The following CHD6 variants were observed in gnomAD, a reference collection of about 807,000 sequenced individuals.
CHD6 encodes the protein ATP-dependent chromatin remodeler CHD6.
Under a neutral mutation model 276.9 loss-of-function variants are expected in CHD6, and 50 were observed. That is an observed-to-expected ratio of 0.18 (90% CI 0.14 to 0.23). The LOEUF is 0.23. Among genes scored for constraint, CHD6 ranks in the 10% least tolerant of loss-of-function variants. The pLI is 1.00. For missense variants in CHD6, 2,564 were observed against 3,365.8 expected (o/e 0.76, Z 5.89); for synonymous variants, 1,173 against 1,229.3 (o/e 0.95, Z 0.96).
Position 41,403,293 on chromosome 20 carries a change from C to T in CHD6, c.*1300G>A, listed in dbSNP as rs1374376357. The T allele has an allele frequency of 9.4e-7, 1 of 1,063,052 alleles. No individual in the cohort carries two copies. Among genetic ancestry groups the T allele is most frequent in the Admixed American group, 5.4e-5 (1 of 18,610 alleles). 65.9% of individuals were successfully genotyped at this position (1,063,052 alleles called of 1,614,324 possible). ...AGAGTACTGAACCATGAGCTTACTT[C>T]AAGTCTCAGAGTGTGAACTACCTGT... On this transcript the variant is annotated 3_prime_UTR_variant, in exon 37 of 37. Coordinates refer to ENST00000373233, the MANE Select transcript of CHD6 (RefSeq NM_032221.5).
At chr20:41,422,944 A>G (rs752894174) in intron 30 of CHD6, among the ~76,000 whole-genome samples, 1 of 152,200 alleles carries the variant, frequency 6.6e-6, no homozygotes, top group Non-Finnish European at 1.5e-5. Flanking sequence ...ATATTGTCCC[A>G]TGATCCAGAG....
chr20:41,564,599 G>A (rs527590345), intron 1 of CHD6, among the ~76,000 whole-genome samples: 10 of 152,234 alleles, frequency 6.6e-5, no homozygotes, highest in African/African-American at 2.4e-4. Flanking sequence ...ATTACACAAC[G>A]GTATGCATTT....
chr20:41,449,863 A>G (rs1230119108), intron 23 of CHD6, among the ~76,000 whole-genome samples: 1 of 152,186 alleles, frequency 6.6e-6, no homozygotes, highest in Non-Finnish European at 1.5e-5. Flanking sequence ...TCCCATCCCC[A>G]GTGGATAACC....
At chr20:41,504,513 G>C (rs774045642) in intron 5 of CHD6, among the ~76,000 whole-genome samples, 2 of 146,942 alleles carry the variant, frequency 1.4e-5, no homozygotes, top group African/African-American at 5.0e-5. Flanking sequence ...AGGCTCAAAT[G>C]ATTCTCCAGC....
intron 17 of CHD6, among the ~76,000 whole-genome samples, chr20:41,462,875 G>C (rs1269290267): frequency 6.6e-6 from 1 of 152,148 alleles, no homozygotes; most frequent in Non-Finnish European, 1.5e-5. Flanking sequence ...CATCATTGCA[G>C]TAGCAATGAA....
intron 3 of CHD6, among the ~76,000 whole-genome samples, chr20:41,532,392 C>T (rs1006610811): frequency 6.6e-6 from 1 of 152,178 alleles, no homozygotes; most frequent in East Asian, 1.9e-4. Flanking sequence ...TGCATACTGA[C>T]GGCTCTCTCA....
intron 1 of CHD6, among the ~76,000 whole-genome samples, chr20:41,590,974 T>C (rs2045651417): frequency 2.0e-5 from 3 of 151,296 alleles, no homozygotes; most frequent in African/African-American, 7.3e-5. Context: ...TGTCCAACAA[T>C]GATAGACTGG....
At chr20:41,590,811 A>G (rs933247111) in intron 1 of CHD6, among the ~76,000 whole-genome samples, 1 of 151,816 alleles carries the variant, frequency 6.6e-6, no homozygotes, top group Non-Finnish European at 1.5e-5. Flanking sequence ...GCGATTCCTC[A>G]GGGATCTAGA....
intron 27 of CHD6, among the ~76,000 whole-genome samples, chr20:41,432,680 G>C (rs772149555): frequency 3.3e-5 from 5 of 151,992 alleles, no homozygotes; most frequent in Admixed American, 6.6e-5. Context: ...TGTCCAAAAT[G>C]TCCAGGTTCC....
At chr20:41,463,715 G>A (rs2042853726) in intron 17 of CHD6, among the ~76,000 whole-genome samples, 1 of 152,196 alleles carries the variant, frequency 6.6e-6, no homozygotes, top group Admixed American at 6.5e-5. Context: ...AAAGGGACAT[G>A]ACAGCTAAAG....
Position 41,473,230 on chromosome 20 carries a change from C to G in CHD6, c.2664+92G>C. On this transcript the variant is annotated intron_variant, in intron 17 of 36. Transcript: ENST00000373233. This position sits in a 1 kb window ranked among gnomAD's most constrained non-coding sequence, Gnocchi z 4.1. ...ATCCAGCTGACACCATAGCATAGAG[C>G]ATCACGGATGCTCTGTAGCCAAGCC... 1 of 1,204,724 alleles carries G rather than the reference C, an allele frequency of 8.3e-7. No individual in the cohort carries two copies. Among genetic ancestry groups the G allele is most frequent in the South Asian group, 1.4e-5 (1 of 71,250 alleles). 74.6% of individuals were successfully genotyped at this position (1,204,724 alleles called of 1,614,324 possible).
intron 36 of CHD6, among the ~76,000 whole-genome samples, chr20:41,405,854 C>T (rs2046661006): frequency 6.6e-6 from 1 of 152,118 alleles, no homozygotes; most frequent in Non-Finnish European, 1.5e-5. Context: ...ACTGTTATGG[C>T]TGAGACCCCT....
At chr20:41,541,780 T>A (rs772944351) in intron 2 of CHD6, among the ~76,000 whole-genome samples, 19 of 152,310 alleles carry the variant, frequency 1.2e-4, no homozygotes, top group Non-Finnish European at 1.9e-4. Flanking sequence ...GTAATGTCAT[T>A]TTTTCAAAAC....
chr20:41,480,619 C>T (rs2145817008), intron 16 of CHD6, among the ~76,000 whole-genome samples: 1 of 152,224 alleles, frequency 6.6e-6, no homozygotes, highest in Middle Eastern at 3.4e-3. Context: ...GAAGGCTAAA[C>T]ATTCATCTTC....
intron 1 of CHD6, among the ~76,000 whole-genome samples, chr20:41,556,283 A>G (rs2045234940): frequency 7.1e-6 from 1 of 139,882 alleles, no homozygotes; most frequent in Non-Finnish European, 1.5e-5. Context: ...GAGACGGGAG[A>G]GGGAGAGGGA....
intron 2 of CHD6, chr20:41,547,795 T>C: frequency 1.9e-6 from 1 of 514,928 alleles, no homozygotes; most frequent in Non-Finnish European, 3.8e-6. Context: ...GCCAGAGAAC[T>C]CTCTGGAACT....
At chr20:41,416,258 T>A (rs2046992580) in intron 33 of CHD6, among the ~76,000 whole-genome samples, 1 of 152,158 alleles carries the variant, frequency 6.6e-6, no homozygotes, top group African/African-American at 2.4e-5. Context: ...TCTTTGCCAG[T>A]TCCCCCCTAT....
At chr20:41,443,133 T>C (rs1394634910) in intron 25 of CHD6, among the ~76,000 whole-genome samples, 3 of 152,220 alleles carry the variant, frequency 2.0e-5, no homozygotes, top group Admixed American at 6.5e-5. Context: ...AGAATCTGAA[T>C]GGAATTGAGT....
chr20:41,446,969 C>T (rs548232281), intron 24 of CHD6, among the ~76,000 whole-genome samples: 37 of 152,286 alleles, frequency 2.4e-4, no homozygotes, highest in Middle Eastern at 6.8e-3. Flanking sequence ...AATTCTGCTG[C>T]ATTTATACGA....
Sources: allele counts gnomAD v4.1 joint callset (sites outside exome capture counted in the v4.1 genomes callset), GRCh38; gene constraint gnomAD v4.1.1; non-coding constraint Gnocchi (gnomAD v3.1); transcripts MANE v1.5; gene names NCBI Gene and HGNC (gene_info 2026-07-23, HGNC 2026-07-21).